Variants in NCKAP5 observed in about 807,000 individuals in gnomAD.
NCKAP5 encodes NCK associated protein 5.
In NCKAP5, 92 loss-of-function variants were observed where a neutral mutation model predicts 167.0. The observed-to-expected ratio is 0.55, with a 90% CI of 0.47 to 0.66. NCKAP5 has a LOEUF of 0.66. Among genes scored for constraint, NCKAP5 ranks in the 30% least tolerant of loss-of-function variants. The probability of loss-of-function intolerance (pLI) is 0.00; values close to 1 mark genes in which losing one functional copy is unlikely to be tolerated. For missense variants in NCKAP5, 2,378 were observed against 2,315.0 expected, an observed-to-expected ratio of 1.03 and a Z score of -0.56; for synonymous variants, 891 against 877.4, an observed-to-expected ratio of 1.02 and a Z score of -0.27.
chr2:132,833,678 T>A (rs148817874), intron 11 of NCKAP5, among the ~76,000 whole-genome samples: 1 of 152,184 alleles, frequency 6.6e-6, no homozygotes, highest in Non-Finnish European at 1.5e-5. Context: ...CTGTAAATAA[T>A]GTGTGTTTAT....
chr2:132,967,708 G>A (rs1340129715), intron 7 of NCKAP5, among the ~76,000 whole-genome samples: 1 of 152,152 alleles, frequency 6.6e-6, no homozygotes, highest in Non-Finnish European at 1.5e-5. Context: ...TCTAGCTAAT[G>A]GAGTATGGAA....
At chr2:133,198,510 T>C (rs2085536238) in intron 5 of NCKAP5, among the ~76,000 whole-genome samples, 1 of 152,102 alleles carries the variant, frequency 6.6e-6, no homozygotes, top group African/African-American at 2.4e-5. Context: ...AGGAAGAAAC[T>C]ACCAACAAGC....
intron 6 of NCKAP5, among the ~76,000 whole-genome samples, chr2:133,105,097 C>A (rs2081638937): frequency 6.6e-6 from 1 of 152,326 alleles, no homozygotes; most frequent in South Asian, 2.1e-4. Context: ...CTAGGAAATG[C>A]ATCCTTTTGT....
At chr2:132,730,719 T>G (rs1690915814) in intron 17 of NCKAP5, among the ~76,000 whole-genome samples, 1 of 152,222 alleles carries the variant, frequency 6.6e-6, no homozygotes, top group Non-Finnish European at 1.5e-5. Flanking sequence ...ACACAACCTA[T>G]AACTAAGATT....
the NCKAP5 span, among the ~76,000 whole-genome samples, chr2:133,669,922 G>A: frequency 2.6e-5 from 4 of 152,158 alleles, no homozygotes; most frequent in African/African-American, 7.2e-5. Context: ...GGATATCTCA[G>A]TCCAGATGAA....
At chr2:133,593,244 T>C in the NCKAP5 span, among the ~76,000 whole-genome samples, 4 of 152,188 alleles carry the variant, frequency 2.6e-5, no homozygotes, top group Non-Finnish European at 5.9e-5. Flanking sequence ...TCACCCAGAA[T>C]TGTATACACA....
At chr2:133,617,226 C>A in the NCKAP5 span, among the ~76,000 whole-genome samples, 46 of 152,220 alleles carry the variant, frequency 3.0e-4, no homozygotes, top group African/African-American at 1.1e-3. Context: ...GGAAGCATTC[C>A]CTTTGAAAAC....
At chr2:133,035,512 A>G (rs571280002) in intron 6 of NCKAP5, among the ~76,000 whole-genome samples, 13 of 152,186 alleles carry the variant, frequency 8.5e-5, no homozygotes, top group African/African-American at 3.1e-4. Flanking sequence ...ATGTTACGTA[A>G]CAAAACAAGT....
intron 19 of NCKAP5, among the ~76,000 whole-genome samples, chr2:132,694,869 C>T (rs181100648): frequency 6.8e-4 from 104 of 152,294 alleles, no homozygotes; most frequent in African/African-American, 2.5e-3. Flanking sequence ...CTCCAGTCTC[C>T]AGCATGGACC....
At position 133,126,156 on chromosome 2, in the gene NCKAP5, C is replaced by T. The variant is rs1018554322; in HGVS notation, c.341+3822G>A. On this transcript the variant is annotated intron_variant, in intron 6 of 19. Transcript: ENST00000409261. ...TCATCCTGACACCTGAACTCTACTTCCCACGTGTACCTAACTGTCCCAGCA... is the reference window on the plus strand; with the variant it reads ...TCATCCTGACACCTGAACTCTACTTTCCACGTGTACCTAACTGTCCCAGCA... Among the ~76,000 whole-genome samples, 5 of 152,202 alleles carry T rather than the reference C, an allele frequency of 3.3e-5. No individual in the cohort carries two copies. In the East Asian group the frequency reaches 9.6e-4, roughly 29 times the overall value.
chr2:132,779,600 GA>G (rs57361647), intron 15 of NCKAP5, among the ~76,000 whole-genome samples: 1,556 of 91,342 alleles, frequency 0.017, 27 homozygotes, highest in African/African-American at 0.053. Context: ...ATGAGGGAAA[GA>G]AAAAAAAAAA....
At chr2:132,692,031 C>G (rs936471320) in intron 19 of NCKAP5, among the ~76,000 whole-genome samples, 7 of 152,132 alleles carry the variant, frequency 4.6e-5, no homozygotes, top group Admixed American at 1.3e-4. Context: ...TTCAAATGTC[C>G]CTTCTTCAGA....
At chr2:133,310,133 G>A (rs763523652) in intron 3 of NCKAP5, among the ~76,000 whole-genome samples, 2 of 152,150 alleles carry the variant, frequency 1.3e-5, no homozygotes, top group Non-Finnish European at 2.9e-5. Context: ...TACCTGCATG[G>A]TGAATGCAAA....
chr2:133,330,768 C>T (rs998596393), intron 3 of NCKAP5, among the ~76,000 whole-genome samples: 1 of 151,986 alleles, frequency 6.6e-6, no homozygotes, highest in African/African-American at 2.4e-5. Context: ...TGGTCGTGTG[C>T]ACCTGTACTC....
intron 10 of NCKAP5, 99 bp downstream of exon 10, chr2:132,868,837 G>T: frequency 1.3e-6 from 1 of 789,582 alleles, no homozygotes; most frequent in Non-Finnish European, 1.9e-6. Flanking sequence ...AAATACAGAA[G>T]TATTGCATCT....
At chr2:132,971,572 C>G (rs1335369907) in intron 7 of NCKAP5, among the ~76,000 whole-genome samples, 1 of 152,120 alleles carries the variant, frequency 6.6e-6, no homozygotes, top group Non-Finnish European at 1.5e-5. Flanking sequence ...GGGAAGTTAA[C>G]ACAGATGTCA....
chr2:133,638,154 T>C, the NCKAP5 span, among the ~76,000 whole-genome samples: 1 of 152,020 alleles, frequency 6.6e-6, no homozygotes, highest in Non-Finnish European at 1.5e-5. Context: ...AATTTTAGAG[T>C]TTATTATGAA....
chr2:133,055,797 C>T (rs13386263), intron 6 of NCKAP5, among the ~76,000 whole-genome samples: 2 of 152,040 alleles, frequency 1.3e-5, no homozygotes, highest in Non-Finnish European at 2.9e-5. Flanking sequence ...GGCACCTGTC[C>T]TTTTGGTGAG....
intron 4 of NCKAP5, among the ~76,000 whole-genome samples, chr2:133,233,122 C>T (rs184330152): frequency 1.2e-4 from 18 of 152,118 alleles, no homozygotes; most frequent in East Asian, 1.2e-3. Flanking sequence ...GTCTGTGGGA[C>T]GAGGAAAATG....
Sources: allele counts gnomAD v4.1 joint callset (sites outside exome capture counted in the v4.1 genomes callset), GRCh38; gene constraint gnomAD v4.1.1; transcripts MANE v1.5; gene names NCBI Gene and HGNC (gene_info 2026-07-23, HGNC 2026-07-21).